Variants in SOX6 observed in about 807,000 individuals in gnomAD.
SOX6 encodes transcription factor SOX-6.
Under a neutral mutation model 97.8 loss-of-function variants are expected in SOX6, and 11 were observed. The observed-to-expected ratio is 0.11, with a 90% CI of 0.07 to 0.19. SOX6 has a LOEUF of 0.19. SOX6 is among the 10% of genes least tolerant of loss of function. The pLI is 1.00. For missense variants in SOX6, 810 were observed against 1,039.5 expected (o/e 0.78, Z 3.04); for synonymous variants, 360 against 371.4 (o/e 0.97, Z 0.35).
At chr11:16,206,033 T>G (rs929884867) in intron 4 of SOX6, among the ~76,000 whole-genome samples, 1 of 152,060 alleles carries the variant, frequency 6.6e-6, no homozygotes, top group African/African-American at 2.4e-5. Flanking sequence ...TCATTAATAT[T>G]TTGGTAGCAT....
At chr11:16,467,627 G>T (rs1337747925) in intron 1 of SOX6, among the ~76,000 whole-genome samples, 2 of 152,154 alleles carry the variant, frequency 1.3e-5, no homozygotes, top group Non-Finnish European at 2.9e-5. Flanking sequence ...ACACACTGGG[G>T]CTTATCAGAG....
intron 6 of SOX6, among the ~76,000 whole-genome samples, chr11:16,179,891 A>G (rs1360248704): frequency 2.0e-5 from 3 of 151,876 alleles, no homozygotes; most frequent in African/African-American, 4.8e-5. Flanking sequence ...AAGAGACACA[A>G]ATAATTGGAT....
chr11:16,413,623 C>T lies in SOX6; in HGVS notation c.-5+62692G>A, dbSNP rs575209832. Among the ~76,000 whole-genome samples the T allele has an allele frequency of 2.7e-5, 4 of 147,080 alleles. No homozygotes were observed. In the South Asian group the frequency reaches 6.4e-4, roughly 24 times the overall value. On this transcript the variant is annotated intron_variant, in intron 1 of 15. Coordinates refer to the SOX6 transcript ENST00000396356. ...GCAACCTCTGCATCCTGGGTTCAAG[C>T]GATTCTCCAGCCTCAGCCTCCCAAG...
At chr11:16,186,744 C>G (rs916665646) in intron 5 of SOX6, 39 bp downstream of exon 5, 1 of 1,609,574 alleles carries the variant, frequency 6.2e-7, no homozygotes, top group Non-Finnish European at 8.5e-7. Flanking sequence ...CTGGCACATT[C>G]CACATCTCCA....
chr11:16,556,663 C>T (rs1847752182), intron 4 of SOX6, among the ~76,000 whole-genome samples: 1 of 151,766 alleles, frequency 6.6e-6, no homozygotes, highest in Non-Finnish European at 1.5e-5. Context: ...AGTATGGCTT[C>T]ACTTTCATCA....
At chr11:16,397,145 T>C (rs1027457748) in intron 1 of SOX6, among the ~76,000 whole-genome samples, 5 of 151,482 alleles carry the variant, frequency 3.3e-5, no homozygotes, top group African/African-American at 1.2e-4. Flanking sequence ...TTTATATTCC[T>C]TGAGGTTTGG....
At chr11:16,108,903 A>G (rs1162704447) in intron 7 of SOX6, among the ~76,000 whole-genome samples, 3 of 152,150 alleles carry the variant, frequency 2.0e-5, no homozygotes, top group Non-Finnish European at 4.4e-5. Flanking sequence ...AGAAACAGTC[A>G]ACTTTAACAA....
At chr11:16,286,198 T>C (rs1854737762) in intron 3 of SOX6, among the ~76,000 whole-genome samples, 1 of 152,174 alleles carries the variant, frequency 6.6e-6, no homozygotes, top group Non-Finnish European at 1.5e-5. Context: ...TCCACGGTGA[T>C]ATTCAGAATA....
At chr11:16,477,746 A>T (rs1016287661), upstream of SOX6, among the ~76,000 whole-genome samples, 2 of 152,280 alleles carry the variant, frequency 1.3e-5, no homozygotes, top group South Asian at 4.1e-4. Flanking sequence ...GGGCATTTGG[A>T]CAGCTTTAAG....
chr11:16,538,887 C>T (rs1390834469), intron 4 of SOX6, among the ~76,000 whole-genome samples: 2 of 152,132 alleles, frequency 1.3e-5, no homozygotes, highest in Non-Finnish European at 2.9e-5. Flanking sequence ...GAGACTTTAA[C>T]ACCCCACTGT....
At position 16,118,308 on chromosome 11, in the gene SOX6, T is replaced by C. The variant is rs183197717; in HGVS notation, c.778-6385A>G. Among the ~76,000 whole-genome samples the C allele has an allele frequency of 1.5e-3, 224 of 152,268 alleles. 1 individual carries two copies. Among genetic ancestry groups the C allele is most frequent in the Non-Finnish European group, 1.9e-3 (131 of 68,014 alleles). On this transcript the variant is annotated intron_variant, in intron 6 of 15. Transcript: ENST00000683767. ...CAAAGTGTTTCCCTTTTGGAGAGGGTGGGGAACATATTCTTGATCAAATAG... is the reference window on the plus strand; with the variant it reads ...CAAAGTGTTTCCCTTTTGGAGAGGGCGGGGAACATATTCTTGATCAAATAG...
intron 15 of SOX6, among the ~76,000 whole-genome samples, chr11:15,982,622 A>G (rs1853695726): frequency 6.6e-6 from 1 of 152,100 alleles, no homozygotes; most frequent in Non-Finnish European, 1.5e-5. Context: ...AATACAATAT[A>G]AATGTTATGT....
At chr11:16,318,295 C>T in intron 3 of SOX6, 151 bp downstream of exon 3, 1 of 741,780 alleles carries the variant, frequency 1.3e-6, no homozygotes, top group Non-Finnish European at 2.3e-6. Context: ...TCAAAATCTG[C>T]CATCACCATA....
At chr11:16,424,820 T>C (rs1447157337) in intron 1 of SOX6, among the ~76,000 whole-genome samples, 1 of 152,212 alleles carries the variant, frequency 6.6e-6, no homozygotes. Context: ...GCCATATGGC[T>C]CTGGGGACAA....
chr11:16,659,062 T>C (rs1355323998), intron 3 of SOX6, among the ~76,000 whole-genome samples: 1 of 152,244 alleles, frequency 6.6e-6, no homozygotes, highest in Non-Finnish European at 1.5e-5. Context: ...CTTAACAATT[T>C]TCCTCTCATG....
chr11:16,620,790 T>C (rs192296381), intron 3 of SOX6, among the ~76,000 whole-genome samples: 3 of 152,258 alleles, frequency 2.0e-5, no homozygotes, highest in Admixed American at 6.5e-5. Context: ...AATAGGGCCA[T>C]ATCAATTGGA....
chr11:16,052,283 A>C (rs1284983419), intron 10 of SOX6, among the ~76,000 whole-genome samples: 1 of 152,188 alleles, frequency 6.6e-6, no homozygotes, highest in East Asian at 1.9e-4. Context: ...TGGCCTGACA[A>C]CTTTGTGCTA....
intron 3 of SOX6, chr11:16,318,203 T>A: frequency 5.7e-6 from 3 of 526,434 alleles, no homozygotes; most frequent in Non-Finnish European, 1.0e-5. Flanking sequence ...CAGTTTAAAA[T>A]CCTAATTTGT....
intron 3 of SOX6, among the ~76,000 whole-genome samples, chr11:16,703,875 T>C (rs190185780): frequency 6.6e-6 from 1 of 152,304 alleles, no homozygotes; most frequent in African/African-American, 2.4e-5. Context: ...CAACAAATAC[T>C]TGTAGAATGA....
Sources: gnomAD v4.1 joint callset for allele counts (sites outside exome capture counted in the v4.1 genomes callset) on GRCh38, gnomAD v4.1.1 for gene constraint, MANE v1.5 for transcripts, NCBI Gene and HGNC (gene_info 2026-07-23, HGNC 2026-07-21) for gene names.